ANKAR: variants seen among roughly 807,000 people sequenced by gnomAD.
ANKAR encodes ankyrin and armadillo repeat-containing protein.
A neutral mutation model predicts 146.2 loss-of-function variants in ANKAR; 136 were observed. The ratio of observed to expected loss-of-function variants is 0.93; its 90% confidence interval spans 0.81 to 1.07. The LOEUF (loss-of-function observed/expected upper bound fraction) is 1.07, where lower values mean the gene tolerates loss of function less well. ANKAR is among the 50% of genes least tolerant of loss of function. ANKAR has a pLI of 0.00. For synonymous variants in ANKAR, 500 were observed against 575.8 expected (o/e 0.87, Z 1.88); for missense variants, 1,567 against 1,679.9 (o/e 0.93, Z 1.18).
intron 18 of ANKAR, among the ~76,000 whole-genome samples, chr2:189,756,094 G>A (rs1269855736): frequency 6.6e-6 from 1 of 152,168 alleles, no homozygotes; most frequent in Non-Finnish European, 1.5e-5. Context: ...GAATGACCGG[G>A]AGAAAAGAAA....
intron 18 of ANKAR, among the ~76,000 whole-genome samples, chr2:189,756,628 T>A (rs749490205): frequency 6.6e-5 from 10 of 152,336 alleles, no homozygotes; most frequent in Middle Eastern, 6.8e-3. Flanking sequence ...TCTCTTATAT[T>A]CCTCATCTTT....
At chr2:189,714,387 A>ATTTT (rs2040130851) in intron 10 of ANKAR, among the ~76,000 whole-genome samples, 1 of 152,248 alleles carries the variant, frequency 6.6e-6, no homozygotes, top group African/African-American at 2.4e-5. Context: ...CAAATGTAAA[A>ATTTT]GAAAAGAAAT....
intron 7 of ANKAR, among the ~76,000 whole-genome samples, chr2:189,701,488 G>A (rs1269056639): frequency 6.6e-6 from 1 of 152,164 alleles, no homozygotes; most frequent in Non-Finnish European, 1.5e-5. Context: ...TCCCACCTTG[G>A]CTTCCCAAAG....
At chr2:189,722,021 C>T (rs766991930) in intron 12 of ANKAR, among the ~76,000 whole-genome samples, 1 of 152,100 alleles carries the variant, frequency 6.6e-6, no homozygotes, top group Admixed American at 6.6e-5. Context: ...GTTCTTCCAT[C>T]GCTTACTATG....
intron 18 of ANKAR, among the ~76,000 whole-genome samples, chr2:189,753,493 C>A (rs553855302): frequency 6.6e-6 from 1 of 152,154 alleles, no homozygotes; most frequent in South Asian, 2.1e-4. Flanking sequence ...ATTATCAGAA[C>A]TTTATCAACA....
chr2:189,706,695 T>C (rs2038998498), intron 8 of ANKAR, among the ~76,000 whole-genome samples: 1 of 152,206 alleles, frequency 6.6e-6, no homozygotes, highest in Admixed American at 6.5e-5. Flanking sequence ...TTGTGCGTTA[T>C]CATCCTCCAA....
chr2:189,676,983 A>C lies in ANKAR; in HGVS notation c.493A>C (p.Lys165Gln). Residue 165 changes from lysine to glutamine, a missense_variant, in exon 2 of 23, where the codon AAA (lysine) becomes CAA (glutamine). Lys to Gln is a moderately conservative substitution (Grantham distance 53). Coordinates refer to ENST00000684021, the MANE Select transcript of ANKAR (RefSeq NM_001378068.1). ...ACTATGGCATGGAATATATATGCCC[A>C]AAGAAAAACGAGCTAGATTCTCTGA... is the stretch of plus-strand genomic sequence containing the variant. Reference protein sequence around the residue: ...KALWHGIYMPKEKRARFSELW... With the variant: ...KALWHGIYMPQEKRARFSELW... 1 of 1,613,806 alleles carries C rather than the reference A, an allele frequency of 6.2e-7. No homozygotes were observed. Among genetic ancestry groups the C allele is most frequent in the Non-Finnish European group, 8.5e-7 (1 of 1,179,986 alleles).
downstream of ANKAR, chr2:189,761,497 A>G (rs1435201904): frequency 6.2e-7 from 1 of 1,612,882 alleles, no homozygotes; most frequent in Non-Finnish European, 8.5e-7. Context: ...CAGCTGCTGT[A>G]TCATCACAAC....
chr2:189,743,708 C>T (rs1189255526), intron 21 of ANKAR, among the ~76,000 whole-genome samples: 1 of 152,086 alleles, frequency 6.6e-6, no homozygotes, highest in Admixed American at 6.6e-5. Flanking sequence ...CCTCTCTGGC[C>T]AGGATTATTC....
At chr2:189,717,480 C>G (rs2040625233) in intron 10 of ANKAR, among the ~76,000 whole-genome samples, 1 of 152,190 alleles carries the variant, frequency 6.6e-6, no homozygotes, top group Non-Finnish European at 1.5e-5. Context: ...TGCTTTTACA[C>G]TATTGGTGGG....
Position 189,741,377 on chromosome 2 carries a change from G to A in ANKAR, c.3736G>A (p.Gly1246Ser). 1 of 1,608,966 alleles carries A rather than the reference G, an allele frequency of 6.2e-7. No individual in the cohort carries two copies. The highest frequency in any genetic ancestry group is 1.1e-5 in the South Asian group (1 of 90,332). Residue 1246 changes from glycine (G) to serine (S), a missense_variant, in exon 20 of 23, where the codon GGT (glycine) becomes AGT (serine). Physicochemically the swap from Gly to Ser is moderately conservative, Grantham distance 56. Coordinates refer to ENST00000684021, the MANE Select transcript of ANKAR (RefSeq NM_001378068.1). ...LIASLAHSRA[G>S]IPEAFTTLGT... ...AGCAAGCCTGGCTCATTCTAGAGCT[G>A]GTATCCCAGAAGCATTTACCACATT...
chr2:189,676,053 C>A, intron 1 of ANKAR: 1 of 166,758 alleles, frequency 6.0e-6, no homozygotes, highest in Admixed American at 5.9e-5. Context: ...CCAAATAAAC[C>A]TCTTTTCTTT....
chr2:189,712,391 G>A (rs1219749530), intron 10 of ANKAR, among the ~76,000 whole-genome samples: 1 of 151,916 alleles, frequency 6.6e-6, no homozygotes. Flanking sequence ...CTGGGACGAA[G>A]CTTCCAAAGG....
downstream of ANKAR, among the ~76,000 whole-genome samples, chr2:189,750,918 A>G (rs573433550): frequency 2.0e-5 from 3 of 152,370 alleles, no homozygotes; most frequent in South Asian, 6.2e-4. Flanking sequence ...AAATAAGTTA[A>G]AAACATAAAA....
chr2:189,711,047 A>G lies in ANKAR; in HGVS notation c.2120-2A>G. 1 of 1,609,870 alleles carries G rather than the reference A, an allele frequency of 6.2e-7. No individual in the cohort carries two copies. The highest frequency in any genetic ancestry group is 8.5e-7 in the Non-Finnish European group (1 of 1,178,072). On this transcript the variant is annotated splice_acceptor_variant, in intron 9 of 22. Transcript: ENST00000684021. LOFTEE classifies it high-confidence loss of function. Reference sequence around the variant, plus strand: ...TGTGTTTTTCTGTTGAACACTTAACAGAAATGTTACAGTGTGAAAGCTATA... The same window carrying G: ...TGTGTTTTTCTGTTGAACACTTAACGGAAATGTTACAGTGTGAAAGCTATA...
intron 4 of ANKAR, 64 bp downstream of exon 4, chr2:189,692,482 A>C (rs1298044538): frequency 1.4e-6 from 2 of 1,459,926 alleles, no homozygotes; most frequent in Non-Finnish European, 1.8e-6. Flanking sequence ...TTCTCCAACC[A>C]AAAAGAGCCT....
At chr2:189,727,544 A>AAAAAAG (rs1559126243) in intron 12 of ANKAR, among the ~76,000 whole-genome samples, 1 of 149,848 alleles carries the variant, frequency 6.7e-6, no homozygotes, top group African/African-American at 2.5e-5. Flanking sequence ...AAAAAAAAAA[A>AAAAAAG]AAGGGTGGTG....
In ANKAR at chr2:189,720,385, C is replaced by T. The variant is rs772085384; in HGVS notation, c.2467-234C>T. ...GCCTCATCCTCCCGAGTAGCTGGAACTACAGGCACGTGCCACCACGCCTGG... is the reference window on the plus strand; with the variant it reads ...GCCTCATCCTCCCGAGTAGCTGGAATTACAGGCACGTGCCACCACGCCTGG... On this transcript the variant is annotated intron_variant, in intron 11 of 22. Coordinates refer to ENST00000684021, the MANE Select transcript of ANKAR (RefSeq NM_001378068.1). 6.6e-5 allele frequency among the ~76,000 whole-genome samples: 10 copies of T among 152,056 alleles called. No individual in the cohort carries two copies. In the East Asian group the frequency reaches 7.8e-4, roughly 12 times the overall value.
intron 16 of ANKAR, among the ~76,000 whole-genome samples, chr2:189,731,621 C>G (rs1425435660): frequency 6.6e-6 from 1 of 152,026 alleles, no homozygotes; most frequent in Non-Finnish European, 1.5e-5. Flanking sequence ...ATCTTCCCAC[C>G]TCGGCCTCCC....
Sources: gnomAD v4.1 joint callset for allele counts (sites outside exome capture counted in the v4.1 genomes callset) on GRCh38, gnomAD v4.1.1 for gene constraint, MANE v1.5 for transcripts, NCBI Gene and HGNC (gene_info 2026-07-23, HGNC 2026-07-21) for gene names.